Variants in STEAP4 observed in about 807,000 individuals in gnomAD.
STEAP4 encodes the protein metalloreductase STEAP4.
A neutral mutation model predicts 43.6 loss-of-function variants in STEAP4; 36 were observed. That is an observed-to-expected ratio of 0.83 (90% CI 0.63 to 1.09). STEAP4 has a LOEUF of 1.09. STEAP4 is among the 50% of genes least tolerant of loss of function. The pLI, the probability that STEAP4 is intolerant of heterozygous loss-of-function variation, is 0.00. For synonymous variants in STEAP4, 191 were observed against 196.7 expected (o/e 0.97, Z 0.24); for missense variants, 495 against 546.5 (o/e 0.91, Z 0.94).
chr7:88,301,504 T>C (rs1853033065), intron 1 of STEAP4, among the ~76,000 whole-genome samples: 1 of 152,190 alleles, frequency 6.6e-6, no homozygotes, highest in Non-Finnish European at 1.5e-5. Context: ...CTTGAACTCC[T>C]GGTCTCAAGT....
At position 88,283,848 on chromosome 7, in the gene STEAP4, G is replaced by A. The variant is rs777101638; in HGVS notation, c.422C>T (p.Ala141Val). The change falls in exon 2 of 5, where the codon GCT (alanine) becomes GTT (valine). Residue 141 changes from alanine to valine, a missense_variant. Ala to Val is a moderately conservative substitution (Grantham distance 64, BLOSUM62 0). Transcript: ENST00000380079. ...VKAFNTISAW[A>V]LQSGALDASR... Reference sequence around the variant, plus strand: ...TGCATCCAGTGCTCCTGACTGGAGAGCCCAGGCTGAGATGGTGTTAAATGC... The same window carrying A: ...TGCATCCAGTGCTCCTGACTGGAGAACCCAGGCTGAGATGGTGTTAAATGC... 4 of 1,614,082 alleles carry A rather than the reference G, an allele frequency of 2.5e-6. No individual in the cohort carries two copies. Among genetic ancestry groups the A allele is most frequent in the Non-Finnish European group, 1.7e-6 (2 of 1,179,954 alleles).
chr7:88,290,086 T>G (rs1309675908), intron 1 of STEAP4, among the ~76,000 whole-genome samples: 2 of 152,244 alleles, frequency 1.3e-5, no homozygotes, highest in Non-Finnish European at 2.9e-5. Flanking sequence ...AAATGTAGAT[T>G]TGATGCAGTT....
Position 88,284,097 on chromosome 7 carries a change from A to T in STEAP4, c.173T>A (p.Leu58Gln). The T allele has an allele frequency of 6.2e-7, 1 of 1,614,144 alleles. No homozygotes were observed. Among genetic ancestry groups the T allele is most frequent in the African/African-American group, 1.3e-5 (1 of 75,052 alleles). The change falls in exon 2 of 5, where the codon CTG becomes CAG. Residue 58 changes from leucine to glutamine, a missense_variant. Leu to Gln is a moderately radical substitution (Grantham distance 113). Transcript: ENST00000380079. Reference sequence around the variant, plus strand: ...GCTCAAGACTTCTGCACCACTGGGCAGTAGGGTGGTCTTCTGGGGGTTTCG... The same window carrying T: ...GCTCAAGACTTCTGCACCACTGGGCTGTAGGGTGGTCTTCTGGGGGTTTCG... ...GSRNPQKTTLLPSGAEVLSYS... is the reference protein window; with the variant it reads ...GSRNPQKTTLQPSGAEVLSYS...
Position 88,279,100 on chromosome 7 carries a change from A to T in STEAP4, c.*298T>A, listed in dbSNP as rs1046675271. ...TTAGGTCATGCATGTTGCCCATAAC[A>T]AGGAAACTCTTTAGTGTGAAACCAC... On this transcript the variant is annotated 3_prime_UTR_variant, in exon 5 of 5. Transcript: ENST00000380079. 2 of 379,502 alleles carry T rather than the reference A, an allele frequency of 5.3e-6. No homozygotes were observed. The highest frequency in any genetic ancestry group is 9.8e-6 in the Non-Finnish European group (2 of 203,760). The allele number at this position is 379,502 out of a possible 1,614,324, so 23.5% of individuals were successfully genotyped here. A position where few individuals can be genotyped will look rare whatever the true frequency, so the allele number is the denominator to read the frequency against.
At chr7:88,283,745 A>G in intron 2 of STEAP4, 69 bp downstream of exon 2, 1 of 1,453,722 alleles carries the variant, frequency 6.9e-7, no homozygotes, top group Non-Finnish European at 9.3e-7. Context: ...ATATTTTGGA[A>G]TCTTTGAGGC....
intron 1 of STEAP4, among the ~76,000 whole-genome samples, chr7:88,295,743 C>G (rs149538134): frequency 6.6e-6 from 1 of 152,102 alleles, no homozygotes; most frequent in African/African-American, 2.4e-5. Flanking sequence ...CAAACTTAAG[C>G]GATTCTGAAG....
intron 1 of STEAP4, among the ~76,000 whole-genome samples, chr7:88,288,677 A>G (rs1246506736): frequency 1.3e-5 from 2 of 152,242 alleles, no homozygotes; most frequent in Non-Finnish European, 2.9e-5. Flanking sequence ...ACGAACTGGA[A>G]AAAATATTTT....
At chr7:88,297,923 T>C (rs1336933653) in intron 1 of STEAP4, among the ~76,000 whole-genome samples, 1 of 152,170 alleles carries the variant, frequency 6.6e-6, no homozygotes, top group African/African-American at 2.4e-5. Context: ...TTCAGAATAC[T>C]TAATTAGCTT....
At chr7:88,300,529 G>A (rs1193642450) in intron 1 of STEAP4, among the ~76,000 whole-genome samples, 1 of 152,206 alleles carries the variant, frequency 6.6e-6, no homozygotes, top group East Asian at 1.9e-4. Flanking sequence ...ACAGGTATGA[G>A]CCACTGTGCC....
At position 88,278,113 on chromosome 7, in the gene STEAP4, T is replaced by C. The variant is rs930066953; in HGVS notation, c.*1285A>G. 7.3e-5 allele frequency: 11 copies of C among 151,580 alleles called. No individual in the cohort carries two copies. The highest frequency in any genetic ancestry group is 1.3e-4 in the Non-Finnish European group (9 of 67,908). The allele number at this position is 151,580 out of a possible 1,614,324, so 9.4% of individuals were successfully genotyped here. ...GCAGGCAGAAAAATGCCAAACTCAG[T>C]GCCTTTTAGTTATTTTGATATGTGG... On this transcript the variant is annotated 3_prime_UTR_variant, in exon 5 of 5. Transcript: ENST00000380079.
At position 88,279,173 on chromosome 7, in the gene STEAP4, C is replaced by G. The variant is rs1852565091; in HGVS notation, c.*225G>C. 1.9e-6 allele frequency: 1 copy of G among 526,450 alleles called. No individual in the cohort carries two copies. The allele number at this position is 526,450 out of a possible 1,614,324, so 32.6% of individuals were successfully genotyped here. A position where few individuals can be genotyped will look rare whatever the true frequency, so the allele number is the denominator to read the frequency against. ...CCATGGCCTCTGGGAAAATAAGAGT[C>G]AGGGACCTGCACTGATTCTTCACTA... is the stretch of plus-strand genomic sequence containing the variant. On this transcript the variant is annotated 3_prime_UTR_variant, in exon 5 of 5. Transcript: ENST00000380079.
At chr7:88,299,488 A>G (rs1852992923) in intron 1 of STEAP4, among the ~76,000 whole-genome samples, 1 of 152,232 alleles carries the variant, frequency 6.6e-6, no homozygotes, top group Admixed American at 6.5e-5. Flanking sequence ...GCATCTGGTC[A>G]TGACCAGGAC....
rs1852656055 is a variant in STEAP4, at chr7:88,283,063, C to A, written c.562G>T (p.Glu188Ter). ...AGCTGCAGGGGGTACTTTTCAATTTCTTTGGCTGCCATGAGTGATCCTTGA... is the reference window on the plus strand; with the variant it reads ...AGCTGCAGGGGGTACTTTTCAATTTATTTGGCTGCCATGAGTGATCCTTGA... ...MDQGSLMAAK[E>*]IEKYPLQLFP... Residue 188 changes from glutamate (E) to a stop codon, truncating the protein, a stop_gained, in exon 3 of 5, where the codon GAA becomes TAA. Coordinates refer to ENST00000380079, the MANE Select transcript of STEAP4 (RefSeq NM_024636.4). LOFTEE classifies it high-confidence loss of function. The A allele has an allele frequency of 6.2e-7, 1 of 1,613,454 alleles. No homozygotes were observed. The highest frequency in any genetic ancestry group is 8.5e-7 in the Non-Finnish European group (1 of 1,179,698).
At chr7:88,281,869 C>A (rs933501261) in intron 3 of STEAP4, 10 of 152,142 alleles carry the variant, frequency 6.6e-5, no homozygotes, top group African/African-American at 2.4e-4. Context: ...GAATTATAAG[C>A]GCTCTTTTGT....
rs1852444839 is a variant in STEAP4, at chr7:88,272,107, T to G, written c.*7291A>C. 1 of 152,228 alleles carries G rather than the reference T, an allele frequency of 6.6e-6. No individual in the cohort carries two copies. The highest frequency in any genetic ancestry group is 1.5e-5 in the Non-Finnish European group (1 of 68,048). 9.4% of individuals were successfully genotyped at this position (152,228 alleles called of 1,614,324 possible). On this transcript the variant is annotated 3_prime_UTR_variant, in exon 5 of 5. Transcript: ENST00000380079. ...GTATGAATGCTGGTACCTCTTTGCC[T>G]GTGGGCCTTTTTCCCCCTAGACATG...
Position 88,278,255 on chromosome 7 carries a change from A to C in STEAP4, c.*1143T>G. 6.6e-6 allele frequency: 1 copy of C among 152,152 alleles called. No homozygotes were observed. The highest frequency in any genetic ancestry group is 6.5e-5 in the Admixed American group (1 of 15,278). The allele number at this position is 152,152 out of a possible 1,614,324, so 9.4% of individuals were successfully genotyped here. A position where few individuals can be genotyped will look rare whatever the true frequency, so the allele number is the denominator to read the frequency against. On this transcript the variant is annotated 3_prime_UTR_variant, in exon 5 of 5. Transcript: ENST00000380079. ...CAGAAAAACAGTGAGAACCATCCTA[A>C]ATTTCAGCAAGGATTTGAGAAAGAT...
chr7:88,287,394 A>G (rs1207166001), intron 1 of STEAP4, among the ~76,000 whole-genome samples: 2 of 152,156 alleles, frequency 1.3e-5, no homozygotes, highest in African/African-American at 2.4e-5. Context: ...TAACTGCCCA[A>G]TGGATTCACC....
intron 1 of STEAP4, among the ~76,000 whole-genome samples, chr7:88,300,717 C>T (rs1270893610): frequency 6.6e-6 from 1 of 152,118 alleles, no homozygotes; most frequent in East Asian, 1.9e-4. Flanking sequence ...ACCACTGGTT[C>T]TTCCCCTGCT....
At chr7:88,298,075 T>C (rs985006683) in intron 1 of STEAP4, among the ~76,000 whole-genome samples, 1 of 152,132 alleles carries the variant, frequency 6.6e-6, no homozygotes, top group Admixed American at 6.5e-5. Flanking sequence ...CCTGAGTGCA[T>C]AGTGCTATCG....
Sources: allele counts gnomAD v4.1 joint callset (sites outside exome capture counted in the v4.1 genomes callset), GRCh38; gene constraint gnomAD v4.1.1; transcripts MANE v1.5; gene names NCBI Gene and HGNC (gene_info 2026-07-23, HGNC 2026-07-21).